Variants in RBM27 observed in about 807,000 individuals in gnomAD.
The protein encoded by RBM27 is RNA binding motif protein 27.
RBM27 carries 22 observed loss-of-function variants against 135.3 expected under a neutral mutation model. The observed-to-expected ratio is 0.16, with a 90% CI of 0.12 to 0.23. RBM27 has a LOEUF of 0.23. RBM27 is among the 10% of genes least tolerant of loss of function. The probability of loss-of-function intolerance (pLI) is 1.00; values close to 1 mark genes in which losing one functional copy is unlikely to be tolerated. For missense variants in RBM27, 1,009 were observed against 1,281.0 expected (o/e 0.79, Z 3.24); for synonymous variants, 481 against 442.4 (o/e 1.09, Z -1.10).
intron 6 of RBM27, among the ~76,000 whole-genome samples, chr5:146,232,289 T>C (rs564392654): frequency 6.6e-6 from 1 of 152,262 alleles, no homozygotes; most frequent in East Asian, 1.9e-4. Context: ...AAATTATAAT[T>C]CAAGAATTAC....
At chr5:146,258,042 C>G (rs1341386496) in intron 10 of RBM27, among the ~76,000 whole-genome samples, 2 of 152,108 alleles carry the variant, frequency 1.3e-5, no homozygotes, top group African/African-American at 4.8e-5. Context: ...TGGTCTCGAA[C>G]TCCCGACCTC....
chr5:146,270,681 A>G (rs1258251941), intron 17 of RBM27, among the ~76,000 whole-genome samples: 1 of 152,220 alleles, frequency 6.6e-6, no homozygotes, highest in Non-Finnish European at 1.5e-5. Context: ...ATTATGTGAC[A>G]GTTATTCTCA....
chr5:146,224,241 G>A (rs1561530308), intron 3 of RBM27, among the ~76,000 whole-genome samples: 1 of 152,266 alleles, frequency 6.6e-6, no homozygotes, highest in Non-Finnish European at 1.5e-5. Flanking sequence ...ATGTATGTAT[G>A]TGTGTATATA....
intron 1 of RBM27, among the ~76,000 whole-genome samples, chr5:146,207,062 G>A (rs1247853999): frequency 6.6e-6 from 1 of 152,094 alleles, no homozygotes; most frequent in East Asian, 1.9e-4. Context: ...GGTTGTGTTT[G>A]TAAATTTACT....
chr5:146,218,213 G>A (rs999441303), intron 1 of RBM27, among the ~76,000 whole-genome samples: 7 of 152,098 alleles, frequency 4.6e-5, no homozygotes, highest in African/African-American at 1.4e-4. Flanking sequence ...ATAAAACCTC[G>A]AGTCTGACAG....
At chr5:146,252,947 A>T (rs1308084739) in intron 9 of RBM27, among the ~76,000 whole-genome samples, 1 of 152,172 alleles carries the variant, frequency 6.6e-6, no homozygotes, top group Non-Finnish European at 1.5e-5. Flanking sequence ...AACTATAATC[A>T]TAGTCCTGTA....
Position 146,230,693 on chromosome 5 carries a change from A to G in RBM27, c.626A>G (p.Asn209Ser), listed in dbSNP as rs1756890362. Residue 209 changes from asparagine to serine, a missense_variant, in exon 6 of 21, where the codon AAT becomes AGT. By Grantham distance (46) the Asn-to-Ser change is conservative (BLOSUM62 1). Around this residue, in one of 6 missense-constraint regions of RBM27, gnomAD observed 268 missense variants for 326.6 expected, o/e 0.82. Coordinates refer to ENST00000265271, the MANE Select transcript of RBM27 (RefSeq NM_018989.2). ...AGATCGAAGTTTAAGAGTGAAAGGA[A>G]TGACCTGGAGAGTTCCTATGTGCCT... The part of the protein sequence containing the change: ...RERSKFKSER[N>S]DLESSYVPVS... The G allele has an allele frequency of 2.5e-6, 4 of 1,614,146 alleles. No individual in the cohort carries two copies. The East Asian group carries it at 8.9e-5, about 36-fold the overall frequency.
chr5:146,283,246 A>G (rs1205010501), intron 19 of RBM27, among the ~76,000 whole-genome samples: 2 of 152,210 alleles, frequency 1.3e-5, no homozygotes, highest in Non-Finnish European at 2.9e-5. Flanking sequence ...TTTTTAAAAG[A>G]TGGTAAATAT....
Position 146,286,334 on chromosome 5 carries a change from A to G in RBM27, c.*304A>G, listed in dbSNP as rs557049564. Reference sequence around the variant, plus strand: ...CTGTTGGTGTTGGATTATGATGTAAATGACAGGGTGTTCAGAAATTTTATT... The same window carrying G: ...CTGTTGGTGTTGGATTATGATGTAAGTGACAGGGTGTTCAGAAATTTTATT... On this transcript the variant is annotated 3_prime_UTR_variant, in exon 21 of 21. Transcript: ENST00000265271. The G allele has an allele frequency of 7.2e-5, 14 of 195,070 alleles. 1 individual carries two copies. In the South Asian group the frequency reaches 1.7e-3, roughly 24 times the overall value. 12.1% of individuals were successfully genotyped at this position (195,070 alleles called of 1,614,324 possible). A position where few individuals can be genotyped will look rare whatever the true frequency, so the allele number is the denominator to read the frequency against.
chr5:146,224,597 G>C (rs991886255), intron 3 of RBM27, among the ~76,000 whole-genome samples: 4 of 151,904 alleles, frequency 2.6e-5, no homozygotes, highest in Non-Finnish European at 4.4e-5. Context: ...CAGGAGAATC[G>C]CTTGAACCCG....
intron 6 of RBM27, among the ~76,000 whole-genome samples, chr5:146,232,818 T>C: frequency 6.6e-6 from 1 of 152,192 alleles, no homozygotes; most frequent in East Asian, 1.9e-4. Context: ...CTGTCTGCCT[T>C]GGCCTCCCAA....
intron 2 of RBM27, among the ~76,000 whole-genome samples, chr5:146,220,844 A>G (rs1468135088): frequency 1.3e-5 from 2 of 152,186 alleles, no homozygotes; most frequent in Non-Finnish European, 2.9e-5. Context: ...TAGAGCCATG[A>G]CAAAAGAGAA....
chr5:146,229,708 A>G lies in RBM27; in HGVS notation c.396-9A>G, dbSNP rs374566688. 4.3e-5 allele frequency: 68 copies of G among 1,584,774 alleles called. No individual in the cohort carries two copies. The highest frequency in any genetic ancestry group is 1.3e-4 in the Admixed American group (8 of 59,730). On this transcript the variant is annotated splice_polypyrimidine_tract_variant and intron_variant, in intron 4 of 20. Transcript: ENST00000265271. ...GCCTGCATATGGCTTTTATATCTGT[A>G]TATTATAGGACACGTGAGAAAAAAA...
At chr5:146,223,120 C>G (rs1275135507) in intron 2 of RBM27, among the ~76,000 whole-genome samples, 1 of 151,938 alleles carries the variant, frequency 6.6e-6, no homozygotes. Flanking sequence ...TATAGATGTC[C>G]CATAGTTTAT....
At chr5:146,223,551 T>C (rs1197049894) in intron 3 of RBM27, 24 bp downstream of exon 3, 1 of 1,590,356 alleles carries the variant, frequency 6.3e-7, no homozygotes. Context: ...TTTCTCCTGC[T>C]TTTGGGGGCT....
chr5:146,215,154 G>A (rs185730741), intron 1 of RBM27, among the ~76,000 whole-genome samples: 1 of 152,168 alleles, frequency 6.6e-6, no homozygotes, highest in Admixed American at 6.5e-5. Context: ...GGCTCAAGCA[G>A]TTCTCCTGCC....
At chr5:146,229,422 CT>C (rs372688927) in intron 4 of RBM27, among the ~76,000 whole-genome samples, 4 of 151,838 alleles carry the variant, frequency 2.6e-5, no homozygotes, top group African/African-American at 4.8e-5. Context: ...TTTAGGAACA[CT>C]TTTTTTTGAG....
At chr5:146,217,820 G>C (rs1355161151) in intron 1 of RBM27, among the ~76,000 whole-genome samples, 2 of 152,006 alleles carry the variant, frequency 1.3e-5, no homozygotes, top group East Asian at 3.9e-4. Context: ...GAGTGCAGTG[G>C]TGTGATCGGC....
At chr5:146,251,116 A>G (rs561356127) in intron 8 of RBM27, among the ~76,000 whole-genome samples, 3 of 151,948 alleles carry the variant, frequency 2.0e-5, no homozygotes, top group Non-Finnish European at 2.9e-5. Context: ...TTTGTTATCC[A>G]TGTGCTCACA....
Sources: allele counts gnomAD v4.1 joint callset (sites outside exome capture counted in the v4.1 genomes callset), GRCh38; gene constraint gnomAD v4.1.1; regional missense constraint gnomAD v4.1.1; transcripts MANE v1.5; gene names NCBI Gene and HGNC (gene_info 2026-07-23, HGNC 2026-07-21).